The following ZNF618 variants were observed in gnomAD, a reference collection of about 807,000 sequenced individuals.
ZNF618 encodes the protein neural precursor cell expressed, developmentally down-regulated 10.
A neutral mutation model predicts 103.0 loss-of-function variants in ZNF618; 34 were observed. That is an observed-to-expected ratio of 0.33 (90% CI 0.25 to 0.44). ZNF618 has a LOEUF of 0.44. Among genes scored for constraint, ZNF618 ranks in the 20% least tolerant of loss-of-function variants. ZNF618 has a pLI of 1.00. For synonymous variants in ZNF618, 551 were observed against 542.2 expected (o/e 1.02, Z -0.23); for missense variants, 1,059 against 1,295.4 (o/e 0.82, Z 2.80).
intron 1 of ZNF618, among the ~76,000 whole-genome samples, chr9:113,889,754 T>G (rs1192585335): frequency 6.6e-6 from 1 of 152,204 alleles, no homozygotes; most frequent in Non-Finnish European, 1.5e-5. Flanking sequence ...CACTCACCCA[T>G]TCCATCTTTC....
At chr9:113,975,972 G>A (rs1473464881) in intron 2 of ZNF618, among the ~76,000 whole-genome samples, 2 of 152,170 alleles carry the variant, frequency 1.3e-5, no homozygotes, top group East Asian at 1.9e-4. Flanking sequence ...TTGAATGGGG[G>A]CCCATGTACT....
chr9:113,911,220 T>C (rs1831516198), intron 1 of ZNF618, among the ~76,000 whole-genome samples: 1 of 152,198 alleles, frequency 6.6e-6, no homozygotes, highest in African/African-American at 2.4e-5. Context: ...CAAGTGCTCT[T>C]TATAGAAAAA....
chr9:114,005,222 G>A (rs1372709334), intron 6 of ZNF618, among the ~76,000 whole-genome samples: 1 of 152,230 alleles, frequency 6.6e-6, no homozygotes, highest in African/African-American at 2.4e-5. Context: ...TCCAGAGCCT[G>A]CCTCCCTGAA....
chr9:114,031,823 G>A lies in ZNF618; in HGVS notation c.1085-822G>A, dbSNP rs528134852. Among the ~76,000 whole-genome samples the A allele has an allele frequency of 5.9e-5, 9 of 151,760 alleles. No individual in the cohort carries two copies. In the South Asian group the frequency reaches 8.3e-4, roughly 14 times the overall value. The stretch of plus-strand genomic sequence containing the variant: ...CCCTGAGGTCTTTATCTCTGGGATC[G>A]TCCGGCATCCCCCTCATGCCTAGAG... On this transcript the variant is annotated intron_variant, in intron 11 of 14. Coordinates refer to ENST00000374126, the MANE Select transcript of ZNF618 (RefSeq NM_001318042.2).
rs890962360 is a variant in ZNF618 at position 113,982,410 on chromosome 9, G to C, written c.78-5911G>C. Among the ~76,000 whole-genome samples, 3 of 152,126 alleles carry C rather than the reference G, an allele frequency of 2.0e-5. No homozygotes were observed. In the South Asian group the frequency reaches 6.3e-4, roughly 32 times the overall value. ...TCATTCCAGCTCTACCTCTCGGGGC[G>C]CATTGCCTTCTCTCCTCTGTAACTT... is the stretch of plus-strand genomic sequence containing the variant. On this transcript the variant is annotated intron_variant, in intron 2 of 14. Coordinates refer to ENST00000374126, the MANE Select transcript of ZNF618 (RefSeq NM_001318042.2).
intron 1 of ZNF618, among the ~76,000 whole-genome samples, chr9:113,946,565 C>G (rs942098058): frequency 2.0e-5 from 3 of 152,142 alleles, no homozygotes; most frequent in Non-Finnish European, 4.4e-5. Flanking sequence ...GACACCGCAC[C>G]TAGAGGAAGG....
chr9:113,898,593 A>AT (rs1830245153), intron 1 of ZNF618, among the ~76,000 whole-genome samples: 1 of 151,830 alleles, frequency 6.6e-6, no homozygotes, highest in South Asian at 2.1e-4. Flanking sequence ...TGCCCAGCTA[A>AT]TTTTTAAATT....
intron 4 of ZNF618, among the ~76,000 whole-genome samples, chr9:114,001,278 T>TGGGG (rs1331470652): frequency 6.7e-6 from 1 of 149,508 alleles, no homozygotes; most frequent in Non-Finnish European, 1.5e-5. Flanking sequence ...GGCAAGGGGC[T>TGGGG]GGGGGGGCCA....
intron 1 of ZNF618, among the ~76,000 whole-genome samples, chr9:113,956,443 C>G (rs989150870): frequency 1.3e-5 from 2 of 152,104 alleles, no homozygotes; most frequent in Non-Finnish European, 2.9e-5. Flanking sequence ...GAAATGATTC[C>G]TTGGACCCCA....
At chr9:113,911,492 C>T (rs1831544077) in intron 1 of ZNF618, among the ~76,000 whole-genome samples, 2 of 151,640 alleles carry the variant, frequency 1.3e-5, no homozygotes, top group African/African-American at 4.8e-5. Context: ...CGATGCCCAG[C>T]TGATTATTGT....
At chr9:113,915,891 A>G (rs1038570911) in intron 1 of ZNF618, among the ~76,000 whole-genome samples, 2 of 152,240 alleles carry the variant, frequency 1.3e-5, no homozygotes, top group Non-Finnish European at 1.5e-5. Flanking sequence ...ATTCATTACT[A>G]TGTCCTCTGT....
At chr9:114,030,366 G>A (rs899813359) in intron 11 of ZNF618, among the ~76,000 whole-genome samples, 3 of 152,178 alleles carry the variant, frequency 2.0e-5, no homozygotes, top group Non-Finnish European at 2.9e-5. Flanking sequence ...TGGTCATCAC[G>A]GTCTCATTGG....
At chr9:113,971,943 G>C (rs1412689094) in intron 2 of ZNF618, among the ~76,000 whole-genome samples, 3 of 152,316 alleles carry the variant, frequency 2.0e-5, no homozygotes, top group Admixed American at 2.0e-4. Flanking sequence ...CTGGGGTTGT[G>C]TGTGGCTTAA....
intron 3 of ZNF618, among the ~76,000 whole-genome samples, chr9:113,991,899 G>A (rs866778703): frequency 2.9e-4 from 44 of 152,324 alleles, no homozygotes; most frequent in Middle Eastern, 6.8e-3. Flanking sequence ...GTAGCCCTAC[G>A]GAAGCAGGGC....
intron 9 of ZNF618, among the ~76,000 whole-genome samples, chr9:114,008,883 C>A (rs1841995301): frequency 6.6e-6 from 1 of 152,188 alleles, no homozygotes; most frequent in Admixed American, 6.5e-5. Context: ...CATTTCCCCA[C>A]AGGTTTGTTG....
chr9:114,004,004 TC>T (rs1474321138), intron 6 of ZNF618, among the ~76,000 whole-genome samples: 2 of 152,004 alleles, frequency 1.3e-5, no homozygotes, highest in African/African-American at 4.8e-5. Flanking sequence ...TGCTTGCCAA[TC>T]CCCGTTCTAT....
intron 1 of ZNF618, among the ~76,000 whole-genome samples, chr9:113,894,947 A>G (rs1829913874): frequency 6.6e-6 from 1 of 152,050 alleles, no homozygotes. Flanking sequence ...TATATTATGC[A>G]TTGACTAGAC....
chr9:113,897,622 C>G (rs1189642032), intron 1 of ZNF618, among the ~76,000 whole-genome samples: 1 of 152,144 alleles, frequency 6.6e-6, no homozygotes, highest in East Asian at 1.9e-4. Context: ...CCATATACCC[C>G]TATTGTTTGC....
At chr9:113,964,738 C>T (rs1420152099) in intron 1 of ZNF618, among the ~76,000 whole-genome samples, 2 of 150,206 alleles carry the variant, frequency 1.3e-5, no homozygotes, top group East Asian at 1.9e-4. Flanking sequence ...CAAATTCTAC[C>T]CCTCCTTTCT....
Sources: allele counts gnomAD v4.1 joint callset (sites outside exome capture counted in the v4.1 genomes callset), GRCh38; gene constraint gnomAD v4.1.1; transcripts MANE v1.5; gene names NCBI Gene and HGNC (gene_info 2026-07-23, HGNC 2026-07-21).